The following NRXN1 variants were observed in gnomAD, a reference collection of about 807,000 sequenced individuals.
NRXN1 encodes neurexin 1, also known as neurexin-1.
NRXN1 carries 39 observed loss-of-function variants against 150.9 expected under a neutral mutation model. The ratio of observed to expected loss-of-function variants is 0.26; its 90% CI spans 0.20 to 0.34. NRXN1 has a LOEUF of 0.34. Ranked by LOEUF, NRXN1 falls within the 10% of genes least tolerant of loss-of-function variation. NRXN1 has a pLI of 1.00. For synonymous variants in NRXN1, 924 were observed against 757.0 expected (o/e 1.22, Z -3.62); for missense variants, 1,815 against 1,949.9 (o/e 0.93, Z 1.30).
intron 17 of NRXN1, among the ~76,000 whole-genome samples, chr2:50,244,164 T>C (rs566767450): frequency 1.3e-5 from 2 of 152,008 alleles, no homozygotes; most frequent in African/African-American, 4.8e-5. Context: ...TTGATGTTTA[T>C]AAAAAGAGTA....
intron 5 of NRXN1, among the ~76,000 whole-genome samples, chr2:50,881,732 AAAT>A (rs1289117412): frequency 6.6e-6 from 1 of 151,798 alleles, no homozygotes; most frequent in African/African-American, 2.4e-5. Flanking sequence ...AATGTTAACC[AAAT>A]AATAATGTCT....
At chr2:50,358,765 G>A (rs1175857995) in intron 17 of NRXN1, among the ~76,000 whole-genome samples, 1 of 152,212 alleles carries the variant, frequency 6.6e-6, no homozygotes, top group Non-Finnish European at 1.5e-5. Context: ...GTGGGTCCCT[G>A]ATCCCCATGT....
rs529654339 is a variant in NRXN1, at chr2:50,018,597, G to T, written c.4128+34674C>A. 3.3e-5 allele frequency among the ~76,000 whole-genome samples: 5 copies of T among 152,238 alleles called. No homozygotes were observed. In the East Asian group the frequency reaches 5.8e-4, roughly 18 times the overall value. On this transcript the variant is annotated intron_variant, in intron 21 of 22. Coordinates refer to ENST00000401669, the MANE Select transcript of NRXN1 (RefSeq NM_001330078.2). ...TTATTACATCTTTTTGGGAAAAGAA[G>T]ATATGTGAAAATTTCTGTAGTTGTA...
At chr2:50,556,056 A>AT (rs1290799749) in intron 8 of NRXN1, among the ~76,000 whole-genome samples, 2 of 152,200 alleles carry the variant, frequency 1.3e-5, no homozygotes, top group East Asian at 1.9e-4. Context: ...CACACTATGT[A>AT]TTTTTTTCTT....
At chr2:50,253,376 C>CTTTCTTCCTATTTGAATACCCCTTA (rs2067356485) in intron 17 of NRXN1, among the ~76,000 whole-genome samples, 1 of 152,108 alleles carries the variant, frequency 6.6e-6, no homozygotes, top group African/African-American at 2.4e-5. Context: ...GTTTAACTTC[C>CTTTCTTCCTATTTGAATACCCCTTA]TTTCTTCCTA....
intron 5 of NRXN1, among the ~76,000 whole-genome samples, chr2:50,857,119 T>C (rs1276649554): frequency 3.3e-5 from 5 of 152,156 alleles, no homozygotes; most frequent in Admixed American, 2.0e-4. Flanking sequence ...TTAAATGATT[T>C]GGAGACTATT....
intron 2 of NRXN1, among the ~76,000 whole-genome samples, chr2:50,999,746 C>G (rs1699799607): frequency 6.6e-6 from 1 of 151,888 alleles, no homozygotes; most frequent in Admixed American, 6.6e-5. Context: ...CTTCCATTTC[C>G]ACTCTATGGT....
chr2:50,872,869 GAAT>G (rs1677998195), intron 5 of NRXN1, among the ~76,000 whole-genome samples: 1 of 151,828 alleles, frequency 6.6e-6, no homozygotes, highest in South Asian at 2.1e-4. Flanking sequence ...ATGTAGTGAA[GAAT>G]TTACACGGTC....
At chr2:49,959,991 C>T (rs1341512590) in intron 21 of NRXN1, among the ~76,000 whole-genome samples, 1 of 152,136 alleles carries the variant, frequency 6.6e-6, no homozygotes, top group African/African-American at 2.4e-5. Flanking sequence ...TTCTCTTTTG[C>T]TTTTTGACTT....
chr2:50,793,495 T>A (rs1393432763), intron 5 of NRXN1, among the ~76,000 whole-genome samples: 2 of 152,102 alleles, frequency 1.3e-5, no homozygotes, highest in Non-Finnish European at 2.9e-5. Context: ...ACCATTACTC[T>A]AAAAACTCAA....
chr2:50,845,748 A>G (rs1175538748), intron 5 of NRXN1, among the ~76,000 whole-genome samples: 1 of 152,202 alleles, frequency 6.6e-6, no homozygotes, highest in Non-Finnish European at 1.5e-5. Context: ...ATTTCCCCAC[A>G]TAATTCTGAT....
intron 5 of NRXN1, among the ~76,000 whole-genome samples, chr2:50,672,316 G>C (rs12477803): frequency 0.2 from 29,870 of 151,012 alleles, 3,000 homozygotes; most frequent in African/African-American, 0.22. Flanking sequence ...CTTGTGAATT[G>C]TTTTTGTTTG....
At chr2:50,979,320 C>G (rs752708226) in intron 2 of NRXN1, 4 of 514,692 alleles carry the variant, frequency 7.8e-6, no homozygotes, top group Middle Eastern at 3.2e-4. Context: ...AATGTGACAG[C>G]AATTCCATCC....
intron 5 of NRXN1, among the ~76,000 whole-genome samples, chr2:50,728,788 T>A: frequency 6.6e-6 from 1 of 152,298 alleles, no homozygotes; most frequent in South Asian, 2.1e-4. Flanking sequence ...CTTCTATCTA[T>A]TAACTAAATA....
chr2:50,242,133 T>C (rs552818723), intron 17 of NRXN1, among the ~76,000 whole-genome samples: 10 of 151,866 alleles, frequency 6.6e-5, no homozygotes, highest in Middle Eastern at 3.4e-3. Flanking sequence ...AACACTTCCT[T>C]CAGTGAAAGT....
At chr2:50,730,259 T>G (rs1016828668) in intron 5 of NRXN1, among the ~76,000 whole-genome samples, 1 of 152,200 alleles carries the variant, frequency 6.6e-6, no homozygotes, top group Non-Finnish European at 1.5e-5. Flanking sequence ...TCTTATGGTC[T>G]ACTATTTTTT....
intron 17 of NRXN1, among the ~76,000 whole-genome samples, chr2:50,385,078 A>T (rs1333426055): frequency 3.9e-5 from 6 of 152,328 alleles, no homozygotes; most frequent in Admixed American, 2.6e-4. Flanking sequence ...GTAAATACTA[A>T]TTGTTTTCAC....
At chr2:50,963,090 T>C (rs1174325086) in intron 2 of NRXN1, among the ~76,000 whole-genome samples, 2 of 151,682 alleles carry the variant, frequency 1.3e-5, no homozygotes, top group Non-Finnish European at 3.0e-5. Flanking sequence ...GTCTTAATTG[T>C]ACACAAAGTT....
intron 17 of NRXN1, among the ~76,000 whole-genome samples, chr2:50,253,333 A>C (rs1277267069): frequency 6.6e-6 from 1 of 152,086 alleles, no homozygotes; most frequent in Non-Finnish European, 1.5e-5. Context: ...GGGTTTTCTA[A>C]ATATAGGATC....
Sources: allele counts gnomAD v4.1 joint callset (sites outside exome capture counted in the v4.1 genomes callset), GRCh38; gene constraint gnomAD v4.1.1; transcripts MANE v1.5; gene names NCBI Gene and HGNC (gene_info 2026-07-23, HGNC 2026-07-21).